The following PPM1L variants were observed in gnomAD, a reference collection of about 807,000 sequenced individuals.
The protein encoded by PPM1L is protein phosphatase, Mg2+/Mn2+ dependent 1L.
In PPM1L, 13 loss-of-function variants were observed where a neutral mutation model predicts 31.4. That is an observed-to-expected ratio of 0.41 (90% CI 0.27 to 0.66). The LOEUF (loss-of-function observed/expected upper bound fraction) is 0.66. PPM1L is among the 30% of genes least tolerant of loss of function. PPM1L has a pLI of 0.29. For missense variants in PPM1L, 326 were observed against 453.7 expected, an observed-to-expected ratio of 0.72 and a Z score of 2.56; for synonymous variants, 184 against 175.4, an observed-to-expected ratio of 1.05 and a Z score of -0.39.
rs147502966 is a variant in PPM1L, at chr3:161,072,447, A to G, written c.*3290A>G. 1.9e-3 allele frequency: 294 copies of G among 152,356 alleles called. No homozygotes were observed. The highest frequency in any genetic ancestry group is 6.8e-3 in the African/African-American group (281 of 41,578). The allele number at this position is 152,356 out of a possible 1,614,324, so 9.4% of individuals were successfully genotyped here. Reference sequence around the variant, plus strand: ...TGAAGGATGTAAGCTGGATAATTTAAAACAGACCTTATTTCATACAAGTGT... The same window carrying G: ...TGAAGGATGTAAGCTGGATAATTTAGAACAGACCTTATTTCATACAAGTGT... On this transcript the variant is annotated 3_prime_UTR_variant, in exon 4 of 4. Transcript: ENST00000498165.
At chr3:161,015,582 G>A (rs528673231) in intron 2 of PPM1L, among the ~76,000 whole-genome samples, 19 of 152,264 alleles carry the variant, frequency 1.2e-4, no homozygotes, top group African/African-American at 3.9e-4. Context: ...AGGCTTTCCT[G>A]TGGCACACAG....
intron 2 of PPM1L, among the ~76,000 whole-genome samples, chr3:160,996,260 A>C (rs1002946533): frequency 2.0e-5 from 3 of 152,230 alleles, no homozygotes; most frequent in Non-Finnish European, 4.4e-5. Flanking sequence ...AAGTAGAGCT[A>C]CCATTCGATC....
intron 1 of PPM1L, among the ~76,000 whole-genome samples, chr3:160,920,063 C>T (rs1714334490): frequency 6.6e-6 from 1 of 152,114 alleles, no homozygotes; most frequent in African/African-American, 2.4e-5. Context: ...ACTATGGTCA[C>T]CATGGCTCCT....
At chr3:161,008,296 C>T (rs776600956) in intron 2 of PPM1L, among the ~76,000 whole-genome samples, 6 of 152,216 alleles carry the variant, frequency 3.9e-5, no homozygotes, top group East Asian at 1.9e-4. Flanking sequence ...CTGCACAGAG[C>T]GGCCAAGAAA....
rs760907219 is a variant in PPM1L at position 161,031,502 on chromosome 3, C to CTTTTTTTTTTTTTTTTTTTTT, written c.575-33885_575-33884insTTTTTTTTTTTTTTTTTTTTT. Among the ~76,000 whole-genome samples the CTTTTTTTTTTTTTTTTTTTTT allele has an allele frequency of 5.2e-4, 53 of 101,664 alleles. 10 individuals are homozygous for CTTTTTTTTTTTTTTTTTTTTT. Among genetic ancestry groups the CTTTTTTTTTTTTTTTTTTTTT allele is most frequent in the East Asian group, 2.5e-3 (6 of 2,390 alleles). The allele number at this position is 101,664 out of a possible 152,430, so 66.7% of individuals were successfully genotyped here. On this transcript the variant is annotated intron_variant, in intron 2 of 3. Coordinates refer to ENST00000498165, the MANE Select transcript of PPM1L (RefSeq NM_139245.4). ...GTGAATGGCAGCTATGTATTCTGTCCTTTTTTTTTTTTTTTTGAGAGAGAG... is the reference window on the plus strand; with the variant it reads ...GTGAATGGCAGCTATGTATTCTGTCCTTTTTTTTTTTTTTTTTTTTTTTTTTTTTTTTTTTTTGAGAGAGAG...
chr3:160,761,343 G>A (rs927984268), intron 1 of PPM1L, among the ~76,000 whole-genome samples: 1 of 152,184 alleles, frequency 6.6e-6, no homozygotes, highest in Non-Finnish European at 1.5e-5. Context: ...TCATTTGCCT[G>A]TGAGGGTTGT....
rs150328470 is a variant in PPM1L at position 160,834,471 on chromosome 3, ATGTGTGTGTGTGTGTGTGTGTGTGTGTG to A, written c.399+77779_399+77806del. Among the ~76,000 whole-genome samples the A allele has an allele frequency of 1.7e-3, 230 of 139,068 alleles. 1 individual carries two copies. The highest frequency in any genetic ancestry group is 4.6e-3 in the South Asian group (19 of 4,172). 91.2% of individuals were successfully genotyped at this position (139,068 alleles called of 152,430 possible). A position where few individuals can be genotyped will look rare whatever the true frequency, so the allele number is the denominator to read the frequency against. ...TTTTTACATGCATTTGTGTATGTGTATGTGTGTGTGTGTGTGTGTGTGTGTGTGTGTGTGTGTGTGTGGTTGTGTGTAG... is the reference window on the plus strand; with the variant it reads ...TTTTTACATGCATTTGTGTATGTGTATGTGTGTGTGTGTGGTTGTGTGTAG... On this transcript the variant is annotated intron_variant, in intron 1 of 3. Transcript: ENST00000498165.
intron 2 of PPM1L, among the ~76,000 whole-genome samples, chr3:161,034,665 G>T (rs1390606942): frequency 6.6e-6 from 1 of 151,666 alleles, no homozygotes; most frequent in Non-Finnish European, 1.5e-5. Flanking sequence ...ACACACAGAG[G>T]GGACCATCAC....
chr3:160,823,834 A>G (rs1328719621), intron 1 of PPM1L, among the ~76,000 whole-genome samples: 3 of 152,144 alleles, frequency 2.0e-5, no homozygotes, highest in Non-Finnish European at 4.4e-5. Flanking sequence ...CCAGGATTTA[A>G]ATTCAGGCAG....
chr3:160,765,854 T>C (rs1297733671), intron 1 of PPM1L, among the ~76,000 whole-genome samples: 1 of 152,238 alleles, frequency 6.6e-6, no homozygotes, highest in African/African-American at 2.4e-5. Flanking sequence ...AACAGTTTCC[T>C]ATTGCATATA....
At chr3:160,914,253 A>T (rs1714076649) in intron 1 of PPM1L, among the ~76,000 whole-genome samples, 4 of 151,702 alleles carry the variant, frequency 2.6e-5, no homozygotes, top group Admixed American at 2.6e-4. Flanking sequence ...GATTTTTTTT[A>T]CTGTGTTATT....
intron 1 of PPM1L, among the ~76,000 whole-genome samples, chr3:160,859,108 T>C (rs1332826928): frequency 6.6e-6 from 1 of 152,136 alleles, no homozygotes; most frequent in East Asian, 1.9e-4. Flanking sequence ...TATTCCTAAG[T>C]AAGTAGAATG....
intron 1 of PPM1L, among the ~76,000 whole-genome samples, chr3:160,920,130 T>C (rs2108070521): frequency 6.6e-6 from 1 of 152,226 alleles, no homozygotes; most frequent in South Asian, 2.1e-4. Flanking sequence ...TGGGGAGCTC[T>C]CAAAAGTGTC....
In PPM1L at chr3:160,817,430, G is replaced by T. The variant is rs185740264; in HGVS notation, c.399+60723G>T. Among the ~76,000 whole-genome samples the T allele has an allele frequency of 2.3e-4, 35 of 152,148 alleles. No individual in the cohort carries two copies. The East Asian group carries it at 6.4e-3, about 28-fold the overall frequency. The stretch of plus-strand genomic sequence containing the variant: ...TGGTATTGGTGAGTAGAGAGGAAGG[G>T]ATGTCTGTAAAGGCAAAAATGGCTA... On this transcript the variant is annotated intron_variant, in intron 1 of 3. Coordinates refer to ENST00000498165, the MANE Select transcript of PPM1L (RefSeq NM_139245.4).
At chr3:160,910,243 T>TCC (rs565806443) in intron 1 of PPM1L, among the ~76,000 whole-genome samples, 3 of 28,944 alleles carry the variant, frequency 1.0e-4, no homozygotes, top group African/African-American at 3.3e-4. Flanking sequence ...CCTTCCCCTT[T>TCC]CCTTTCCCCT....
At chr3:160,940,493 C>A (rs949052500) in intron 1 of PPM1L, among the ~76,000 whole-genome samples, 2 of 152,170 alleles carry the variant, frequency 1.3e-5, no homozygotes, top group South Asian at 4.1e-4. Flanking sequence ...TGTGTGCAGC[C>A]TAGGGACTTG....
At chr3:160,806,698 A>C (rs1011497195) in intron 1 of PPM1L, among the ~76,000 whole-genome samples, 8 of 151,964 alleles carry the variant, frequency 5.3e-5, no homozygotes, top group African/African-American at 9.7e-5. Context: ...CTGAGCTCAG[A>C]ATTCGAATGT....
In PPM1L at chr3:160,800,868, A is replaced by T. The variant is rs538958530; in HGVS notation, c.399+44161A>T. Among the ~76,000 whole-genome samples the T allele has an allele frequency of 3.4e-4, 52 of 152,332 alleles. 2 individuals are homozygous for T. In the South Asian group the frequency reaches 9.7e-3, roughly 29 times the overall value. On this transcript the variant is annotated intron_variant, in intron 1 of 3. Coordinates refer to ENST00000498165, the MANE Select transcript of PPM1L (RefSeq NM_139245.4). ...GTATTGTTTTAGGTAGAAAACAATG[A>T]TTAACAATTTAGGCAACATTTAAAC...
chr3:160,841,990 A>G (rs1201961486), intron 1 of PPM1L, among the ~76,000 whole-genome samples: 2 of 152,230 alleles, frequency 1.3e-5, no homozygotes, highest in Admixed American at 6.5e-5. Flanking sequence ...ATATAGGAAT[A>G]AAGAAAACTG....
Sources: gnomAD v4.1 joint callset for allele counts (sites outside exome capture counted in the v4.1 genomes callset) on GRCh38, gnomAD v4.1.1 for gene constraint, MANE v1.5 for transcripts, NCBI Gene and HGNC (gene_info 2026-07-23, HGNC 2026-07-21) for gene names.